The following F13A1 variants were observed in gnomAD, a reference collection of about 807,000 sequenced individuals.
The protein encoded by F13A1 is coagulation factor XIII A chain, also known as FSF, A subunit.
A neutral mutation model predicts 80.1 loss-of-function variants in F13A1; 47 were observed. The observed-to-expected ratio is 0.59, with a 90% CI of 0.46 to 0.75. F13A1 has a LOEUF of 0.75. F13A1 is among the 30% of genes least tolerant of loss of function. The pLI is 0.00. For synonymous variants in F13A1, 349 were observed against 344.9 expected (o/e 1.01, Z -0.13); for missense variants, 817 against 930.4 (o/e 0.88, Z 1.59).
intron 8 of F13A1, among the ~76,000 whole-genome samples, chr6:6,199,277 CAGG>C (rs1761349193): frequency 6.6e-6 from 1 of 152,210 alleles, no homozygotes; most frequent in African/African-American, 2.4e-5. Flanking sequence ...ATCACGAGGT[CAGG>C]AGATCGAGAC....
In F13A1 at chr6:6,145,217, A is replaced by C. The variant is rs1330576867; in HGVS notation, c.*402T>G. On this transcript the variant is annotated 3_prime_UTR_variant, in exon 15 of 15. Coordinates refer to ENST00000264870, the MANE Select transcript of F13A1 (RefSeq NM_000129.4). ...AATTCTAGAGCCCAAATCATGTGCTATTATTCCCAAAAGGCTGAGTGGGGA... is the reference window on the plus strand; with the variant it reads ...AATTCTAGAGCCCAAATCATGTGCTCTTATTCCCAAAAGGCTGAGTGGGGA... The C allele has an allele frequency of 3.9e-6, 1 of 259,636 alleles. No homozygotes were observed. Among genetic ancestry groups the C allele is most frequent in the South Asian group, 4.6e-5 (1 of 21,862 alleles). The allele number at this position is 259,636 out of a possible 1,614,324, so 16.1% of individuals were successfully genotyped here. A position where few individuals can be genotyped will look rare whatever the true frequency, so the allele number is the denominator to read the frequency against.
At chr6:6,263,621 T>G (rs1455599871) in intron 4 of F13A1, among the ~76,000 whole-genome samples, 2 of 152,224 alleles carry the variant, frequency 1.3e-5, no homozygotes, top group African/African-American at 4.8e-5. Flanking sequence ...TTTATTCAAG[T>G]GCTTACTTGA....
Position 6,145,685 on chromosome 6 carries a change from G to T in F13A1, c.2133C>A (p.Ser711Arg). 6.2e-7 allele frequency: 1 copy of T among 1,614,168 alleles called. No homozygotes were observed. The highest frequency in any genetic ancestry group is 1.3e-5 in the African/African-American group (1 of 75,048). ...SGHRKLIASMSSDSLRHVYGE... is the reference protein window; with the variant it reads ...SGHRKLIASMRSDSLRHVYGE... ...CATACACATGTCTCAGGGAGTCACT[G>T]CTCATGCTGGCTATCAGCTTCCGAT... Residue 711 changes from serine (S) to arginine (R), a missense_variant, in exon 15 of 15, where the codon AGC becomes AGA. By Grantham distance (110) the Ser-to-Arg change is moderately radical. Transcript: ENST00000264870.
intron 12 of F13A1, among the ~76,000 whole-genome samples, chr6:6,171,447 C>A (rs1366790436): frequency 6.6e-6 from 1 of 152,222 alleles, no homozygotes; most frequent in Non-Finnish European, 1.5e-5. Context: ...CCTTCCTTCT[C>A]TCACACCACA....
chr6:6,295,879 G>A (rs1234805960), intron 3 of F13A1, among the ~76,000 whole-genome samples: 3 of 140,212 alleles, frequency 2.1e-5, no homozygotes, highest in Non-Finnish European at 4.5e-5. Flanking sequence ...ATGGTTTTAG[G>A]TCTAACGTTT....
At chr6:6,163,759 G>A (rs1760615902) in intron 13 of F13A1, among the ~76,000 whole-genome samples, 1 of 152,168 alleles carries the variant, frequency 6.6e-6, no homozygotes, top group Non-Finnish European at 1.5e-5. Context: ...ATTGTGAATA[G>A]TGCTGCAATA....
intron 3 of F13A1, among the ~76,000 whole-genome samples, chr6:6,269,742 C>T (rs1757895958): frequency 6.6e-6 from 1 of 151,402 alleles, no homozygotes; most frequent in South Asian, 2.1e-4. Context: ...GAGATGGAGT[C>T]TTGCACTGTT....
chr6:6,202,556 C>T (rs1761416806), intron 8 of F13A1, among the ~76,000 whole-genome samples: 1 of 152,166 alleles, frequency 6.6e-6, no homozygotes, highest in African/African-American at 2.4e-5. Context: ...TCGGAGCCTT[C>T]ATTTGAAACT....
chr6:6,165,265 C>A (rs753749156), intron 13 of F13A1, among the ~76,000 whole-genome samples: 8 of 152,194 alleles, frequency 5.3e-5, no homozygotes, highest in Non-Finnish European at 8.8e-5. Context: ...TCTCTACATG[C>A]CCAGGTCTGC....
intron 3 of F13A1, among the ~76,000 whole-genome samples, chr6:6,292,184 CCTCTGCACAGCAA>C: frequency 6.6e-6 from 1 of 152,226 alleles, no homozygotes; most frequent in African/African-American, 2.4e-5. Flanking sequence ...GCATACAGCA[CCTCTGCACAGCAA>C]CAGTGCCAAT....
chr6:6,184,819 C>T (rs985756903), intron 10 of F13A1, among the ~76,000 whole-genome samples: 3 of 152,196 alleles, frequency 2.0e-5, no homozygotes, highest in South Asian at 2.1e-4. Context: ...CTGTCCTTTG[C>T]GGAGAGAGGA....
At chr6:6,247,273 A>C (rs1043780907) in intron 6 of F13A1, among the ~76,000 whole-genome samples, 4 of 152,262 alleles carry the variant, frequency 2.6e-5, no homozygotes, top group Non-Finnish European at 5.9e-5. Context: ...GATTTCATTT[A>C]GCTCAAAAGA....
At chr6:6,244,808 A>G (rs529715746) in intron 6 of F13A1, among the ~76,000 whole-genome samples, 1 of 152,314 alleles carries the variant, frequency 6.6e-6, no homozygotes, top group African/African-American at 2.4e-5. Context: ...CACAACCAGA[A>G]TCAAGGTCCA....
Position 6,233,650 on chromosome 6 carries a change from G to A in F13A1, c.799-8790C>T, listed in dbSNP as rs183473593. On this transcript the variant is annotated intron_variant, in intron 6 of 14. Coordinates refer to ENST00000264870, the MANE Select transcript of F13A1 (RefSeq NM_000129.4). Reference sequence around the variant, plus strand: ...ACCAGGAAAGGATATAACCAAAAAAGGAAACTACAGACCAATATCCTTGAT... The same window carrying A: ...ACCAGGAAAGGATATAACCAAAAAAAGAAACTACAGACCAATATCCTTGAT... 1.2e-4 allele frequency among the ~76,000 whole-genome samples: 19 copies of A among 152,064 alleles called. No homozygotes were observed. In the East Asian group the frequency reaches 3.7e-3, roughly 29 times the overall value.
chr6:6,194,898 C>A (rs1292394679), intron 10 of F13A1, among the ~76,000 whole-genome samples: 1 of 152,214 alleles, frequency 6.6e-6, no homozygotes, highest in Non-Finnish European at 1.5e-5. Context: ...GTGAGAAAGT[C>A]ACTTAATCAC....
chr6:6,315,576 C>T (rs1583129367), intron 2 of F13A1, among the ~76,000 whole-genome samples: 1 of 152,312 alleles, frequency 6.6e-6, no homozygotes, highest in Middle Eastern at 3.4e-3. Context: ...GTTATATACA[C>T]TCAGTATACC....
chr6:6,207,551 CAT>C (rs1174776974), intron 8 of F13A1, among the ~76,000 whole-genome samples: 1 of 152,226 alleles, frequency 6.6e-6, no homozygotes, highest in Non-Finnish European at 1.5e-5. Context: ...TAGCCACAAA[CAT>C]GTGCAGGGCT....
chr6:6,151,989 C>T, intron 13 of F13A1, 40 bp from the exon 14 acceptor site: 2 of 1,611,284 alleles, frequency 1.2e-6, no homozygotes, highest in Non-Finnish European at 1.7e-6. Context: ...CAAATAAAAC[C>T]TCGTTCTGCT....
Position 6,298,951 on chromosome 6 carries a change from C to T in F13A1, c.319+6400G>A, listed in dbSNP as rs541422136. ...TCTTTTAGGGCAGGCCTGGTGGTGA[C>T]AAAATCTCTTAGCATTTGCTTGTCT... On this transcript the variant is annotated intron_variant, in intron 3 of 14. Coordinates refer to ENST00000264870, the MANE Select transcript of F13A1 (RefSeq NM_000129.4). Among the ~76,000 whole-genome samples the T allele has an allele frequency of 1.0e-3, 150 of 148,554 alleles. 16 individuals are homozygous for T. The highest frequency in any genetic ancestry group is 3.7e-3 in the African/African-American group (143 of 38,356).
Sources: allele counts gnomAD v4.1 joint callset (sites outside exome capture counted in the v4.1 genomes callset), GRCh38; gene constraint gnomAD v4.1.1; transcripts MANE v1.5; gene names NCBI Gene and HGNC (gene_info 2026-07-23, HGNC 2026-07-21).